EXOC4: variants seen among roughly 807,000 people sequenced by gnomAD.
EXOC4 encodes SEC8-like 1.
EXOC4 carries 71 observed loss-of-function variants against 107.2 expected under a neutral mutation model. That is an observed-to-expected ratio of 0.66 (90% CI 0.55 to 0.81). The LOEUF (loss-of-function observed/expected upper bound fraction) is 0.81, where lower values mean the gene tolerates loss of function less well. Among genes scored for constraint, EXOC4 ranks in the 30% least tolerant of loss-of-function variants. The probability of loss-of-function intolerance (pLI) is 0.00; values close to 1 mark genes in which losing one functional copy is unlikely to be tolerated. For missense variants in EXOC4, 1,108 were observed against 1,189.6 expected, an observed-to-expected ratio of 0.93 and a Z score of 1.01; for synonymous variants, 456 against 441.2, an observed-to-expected ratio of 1.03 and a Z score of -0.42.
intron 11 of EXOC4, among the ~76,000 whole-genome samples, chr7:133,844,377 C>T (rs1432236137): frequency 2.4e-5 from 3 of 125,494 alleles, no homozygotes; most frequent in African/African-American, 1.0e-4. Context: ...CCCACATATT[C>T]CTTTTTTTTT....
At chr7:133,553,300 C>G (rs901695686) in intron 9 of EXOC4, among the ~76,000 whole-genome samples, 1 of 152,150 alleles carries the variant, frequency 6.6e-6, no homozygotes, top group Admixed American at 6.5e-5. Flanking sequence ...CCATCTCACA[C>G]TTGGATTGTT....
chr7:133,591,655 A>AAT (rs1361773485), intron 9 of EXOC4, among the ~76,000 whole-genome samples: 1 of 151,940 alleles, frequency 6.6e-6, no homozygotes, highest in African/African-American at 2.4e-5. Flanking sequence ...TTTTGTAAAG[A>AAT]ATACATCTTT....
At position 133,963,659 on chromosome 7, in the gene EXOC4, T is replaced by C; in HGVS notation, c.2206+25590T>C. On this transcript the variant is annotated intron_variant, in intron 14 of 17. Coordinates refer to ENST00000253861, the MANE Select transcript of EXOC4 (RefSeq NM_021807.4). ...TATTAAAGTGTCAAAAAGGAAAGAA[T>C]TGAGAATTCCCATGAAAGCAGAGAA... Among the ~76,000 whole-genome samples, 2 of 152,224 alleles carry C rather than the reference T, an allele frequency of 1.3e-5. 1 individual carries two copies. The highest frequency in any genetic ancestry group is 3.8e-4 in the East Asian group (2 of 5,200).
chr7:133,787,755 C>T (rs1796605494), intron 10 of EXOC4, among the ~76,000 whole-genome samples: 1 of 150,990 alleles, frequency 6.6e-6, no homozygotes, highest in African/African-American at 2.4e-5. Context: ...ATGAGGGCTC[C>T]ATCCTCATAA....
intron 9 of EXOC4, among the ~76,000 whole-genome samples, chr7:133,584,045 T>G (rs1445104964): frequency 6.6e-6 from 1 of 152,038 alleles, no homozygotes; most frequent in Non-Finnish European, 1.5e-5. Flanking sequence ...CTCAGAAAAT[T>G]GCATGCTGGA....
the EXOC4 span, among the ~76,000 whole-genome samples, chr7:134,081,531 A>G: frequency 1.3e-5 from 2 of 152,136 alleles, no homozygotes; most frequent in East Asian, 3.9e-4. Context: ...AGAGGTTTTT[A>G]TATCTTTTGT....
At chr7:133,298,176 T>G (rs1158029148) in intron 3 of EXOC4, among the ~76,000 whole-genome samples, 1 of 152,180 alleles carries the variant, frequency 6.6e-6, no homozygotes. Context: ...ACTAATTACT[T>G]GTGGTTGCCT....
At position 133,402,880 on chromosome 7, in the gene EXOC4, TA is replaced by T. The variant is rs1307490679; in HGVS notation, c.1182+27879del. 2.4e-3 allele frequency among the ~76,000 whole-genome samples: 346 copies of T among 144,322 alleles called. 1 individual carries two copies. Among genetic ancestry groups the T allele is most frequent in the African/African-American group, 8.2e-3 (312 of 37,946 alleles). The allele number at this position is 144,322 out of a possible 152,430, so 94.7% of individuals were successfully genotyped here. Reference sequence around the variant, plus strand: ...CACACTTTGAGTAGCAAGAGCCTAATATTTTTTTTTTTTTTTTTTTTTTGAG... The same window carrying T: ...CACACTTTGAGTAGCAAGAGCCTAATTTTTTTTTTTTTTTTTTTTTTTGAG... On this transcript the variant is annotated intron_variant, in intron 7 of 17. Coordinates refer to ENST00000253861, the MANE Select transcript of EXOC4 (RefSeq NM_021807.4).
At chr7:133,782,656 A>G (rs1321148420) in intron 10 of EXOC4, among the ~76,000 whole-genome samples, 1 of 152,200 alleles carries the variant, frequency 6.6e-6, no homozygotes, top group African/African-American at 2.4e-5. Context: ...CACTCTTAAC[A>G]GGTCCCCTGA....
intron 7 of EXOC4, 41 bp from the exon 8 acceptor site, chr7:133,475,287 A>G (rs759530058): frequency 2.6e-6 from 4 of 1,509,868 alleles, no homozygotes; most frequent in African/African-American, 1.4e-5. Flanking sequence ...GCACATTAAA[A>G]ATGTGTATAT....
intron 10 of EXOC4, among the ~76,000 whole-genome samples, chr7:133,698,151 T>G (rs1243343974): frequency 6.6e-6 from 1 of 152,116 alleles, no homozygotes. Flanking sequence ...GTGTGTGACC[T>G]TGGTTGTGTT....
intron 10 of EXOC4, among the ~76,000 whole-genome samples, chr7:133,704,012 C>G (rs1350660469): frequency 1.3e-5 from 2 of 152,206 alleles, no homozygotes; most frequent in African/African-American, 4.8e-5. Context: ...TTCAGTTCAT[C>G]TTGATAGAGC....
intron 7 of EXOC4, among the ~76,000 whole-genome samples, chr7:133,436,468 C>A (rs1160883008): frequency 6.6e-6 from 1 of 150,980 alleles, no homozygotes; most frequent in South Asian, 2.1e-4. Context: ...TCTTTTTTGT[C>A]TCTCTTTTCC....
At chr7:133,914,344 C>T (rs1177668382) in intron 12 of EXOC4, among the ~76,000 whole-genome samples, 1 of 152,172 alleles carries the variant, frequency 6.6e-6, no homozygotes, top group East Asian at 1.9e-4. Context: ...ACAGAGGTTT[C>T]AGGACCACAT....
At chr7:133,963,078 G>A (rs1800983278) in intron 14 of EXOC4, among the ~76,000 whole-genome samples, 2 of 152,368 alleles carry the variant, frequency 1.3e-5, no homozygotes, top group South Asian at 4.1e-4. Flanking sequence ...TTGATCCCGA[G>A]CAAAGGAAGG....
At chr7:133,614,244 A>C (rs1802137760) in intron 9 of EXOC4, among the ~76,000 whole-genome samples, 1 of 152,194 alleles carries the variant, frequency 6.6e-6, no homozygotes, top group African/African-American at 2.4e-5. Context: ...CTTTTGTGCA[A>C]ATGCAGTGAG....
intron 10 of EXOC4, among the ~76,000 whole-genome samples, chr7:133,798,113 A>G (rs1386869701): frequency 6.6e-6 from 1 of 152,092 alleles, no homozygotes; most frequent in African/African-American, 2.4e-5. Flanking sequence ...GCAAATTATG[A>G]GTATTTTTGC....
chr7:133,767,860 C>A (rs1796170236), intron 10 of EXOC4, among the ~76,000 whole-genome samples: 1 of 151,942 alleles, frequency 6.6e-6, no homozygotes, highest in South Asian at 2.1e-4. Flanking sequence ...AAGGCATAGT[C>A]CTTCCCGTGA....
intron 11 of EXOC4, among the ~76,000 whole-genome samples, chr7:133,848,193 T>A (rs1317460556): frequency 6.6e-6 from 1 of 152,074 alleles, no homozygotes; most frequent in Non-Finnish European, 1.5e-5. Flanking sequence ...CAGCAACAGA[T>A]CACCTAGCAA....
Sources: gnomAD v4.1 joint callset for allele counts (sites outside exome capture counted in the v4.1 genomes callset) on GRCh38, gnomAD v4.1.1 for gene constraint, MANE v1.5 for transcripts, NCBI Gene and HGNC (gene_info 2026-07-23, HGNC 2026-07-21) for gene names.